CNTNAP2: variants seen among roughly 807,000 people sequenced by gnomAD.
CNTNAP2 encodes the protein contactin-associated protein-like 2.
CNTNAP2 carries 98 observed loss-of-function variants against 155.2 expected under a neutral mutation model. That is an observed-to-expected ratio of 0.63 (90% CI 0.54 to 0.75). The LOEUF is 0.75. Ranked by LOEUF, CNTNAP2 falls within the 30% of genes least tolerant of loss-of-function variation. CNTNAP2 has a pLI of 0.00. For missense variants in CNTNAP2, 1,727 were observed against 1,688.1 expected (o/e 1.02, Z -0.40); for synonymous variants, 651 against 631.2 (o/e 1.03, Z -0.47).
chr7:147,716,047 G>T (rs934409290), intron 13 of CNTNAP2, among the ~76,000 whole-genome samples: 2 of 152,132 alleles, frequency 1.3e-5, no homozygotes, highest in Non-Finnish European at 2.9e-5. Context: ...GATGCAACTT[G>T]TACCAACACT....
chr7:147,495,575 A>G (rs532383200), intron 11 of CNTNAP2, among the ~76,000 whole-genome samples: 7 of 152,310 alleles, frequency 4.6e-5, no homozygotes, highest in East Asian at 3.9e-4. Context: ...TATGTAGTCA[A>G]TTCTCAACAG....
At chr7:147,454,251 T>G (rs920904083) in intron 10 of CNTNAP2, among the ~76,000 whole-genome samples, 2 of 152,208 alleles carry the variant, frequency 1.3e-5, no homozygotes, top group Non-Finnish European at 2.9e-5. Context: ...ATTAATTTTC[T>G]TTGGTGGCTT....
intron 8 of CNTNAP2, among the ~76,000 whole-genome samples, chr7:147,265,802 A>C (rs1273888796): frequency 1.3e-5 from 2 of 152,244 alleles, no homozygotes; most frequent in East Asian, 3.9e-4. Flanking sequence ...TCCCAGAGGA[A>C]GGAGCAGGAA....
At chr7:146,707,078 C>G (rs1309205961) in intron 1 of CNTNAP2, among the ~76,000 whole-genome samples, 1 of 152,156 alleles carries the variant, frequency 6.6e-6, no homozygotes, top group Non-Finnish European at 1.5e-5. Context: ...TATTTACATT[C>G]ACAACATTCA....
intron 20 of CNTNAP2, among the ~76,000 whole-genome samples, chr7:148,236,475 C>A (rs1796043038): frequency 6.6e-6 from 1 of 152,108 alleles, no homozygotes; most frequent in Non-Finnish European, 1.5e-5. Flanking sequence ...TCAATTCTTT[C>A]CTGAACTCAT....
chr7:147,312,244 G>GAATTT (rs1327368660), intron 9 of CNTNAP2, among the ~76,000 whole-genome samples: 9 of 151,756 alleles, frequency 5.9e-5, no homozygotes, highest in African/African-American at 2.2e-4. Context: ...CTCCTCCTGG[G>GAATTT]AATTTTATTT....
At chr7:146,696,948 A>C (rs1800792460) in intron 1 of CNTNAP2, among the ~76,000 whole-genome samples, 2 of 152,164 alleles carry the variant, frequency 1.3e-5, no homozygotes, top group Admixed American at 1.3e-4. Flanking sequence ...ATCCTGGTGA[A>C]TGTGCCAGGT....
At chr7:146,738,213 T>C (rs912199720) in intron 1 of CNTNAP2, among the ~76,000 whole-genome samples, 1 of 152,036 alleles carries the variant, frequency 6.6e-6, no homozygotes, top group African/African-American at 2.4e-5. Context: ...TTCTAACAGG[T>C]ATAAGGTGAT....
intron 15 of CNTNAP2, among the ~76,000 whole-genome samples, chr7:148,085,567 T>A (rs1803709209): frequency 6.6e-6 from 1 of 152,208 alleles, no homozygotes; most frequent in African/African-American, 2.4e-5. Context: ...TTGAAAAGAT[T>A]ATTAGTTAGT....
At chr7:148,155,586 T>A (rs567124493) in intron 17 of CNTNAP2, among the ~76,000 whole-genome samples, 2 of 152,326 alleles carry the variant, frequency 1.3e-5, no homozygotes, top group Non-Finnish European at 2.9e-5. Context: ...AGGGTGCTAT[T>A]TTCCTTGACA....
chr7:146,524,387 T>C (rs78194739), intron 1 of CNTNAP2, among the ~76,000 whole-genome samples: 1 of 152,116 alleles, frequency 6.6e-6, no homozygotes, highest in African/African-American at 2.4e-5. Context: ...CATTTTTTTT[T>C]CTATGTCTGT....
chr7:147,580,761 A>G (rs10229748), intron 12 of CNTNAP2, among the ~76,000 whole-genome samples: 104,614 of 151,614 alleles, frequency 0.69, 36,659 homozygotes, highest in African/African-American at 0.81. Flanking sequence ...GACTACAGGC[A>G]TGTGCCACCG....
At chr7:146,583,452 A>C (rs1049391980) in intron 1 of CNTNAP2, among the ~76,000 whole-genome samples, 3 of 152,134 alleles carry the variant, frequency 2.0e-5, no homozygotes, top group Non-Finnish European at 4.4e-5. Context: ...GAGAATCTGA[A>C]GGGAGAAGGA....
chr7:148,314,882 G>A (rs528035255), intron 21 of CNTNAP2, among the ~76,000 whole-genome samples: 7 of 152,270 alleles, frequency 4.6e-5, no homozygotes, highest in South Asian at 4.2e-4. Context: ...GTCCGTGACC[G>A]GTGCCGGAGT....
In CNTNAP2 at chr7:148,383,634, CTTTTT is replaced by C. The variant is rs778811922; in HGVS notation, c.3476-12_3476-8del. ...GGTGAGTCAAGTAACATTTTCATTT[CTTTTT>C]TTCTTTTAGAAACAGGGAAAATTGA... On this transcript the variant is annotated splice_polypyrimidine_tract_variant and intron_variant, in intron 21 of 23. Coordinates refer to ENST00000361727, the MANE Select transcript of CNTNAP2 (RefSeq NM_014141.6). 1.2e-6 allele frequency: 2 copies of C among 1,614,110 alleles called. No homozygotes were observed. Among genetic ancestry groups the C allele is most frequent in the Non-Finnish European group, 1.7e-6 (2 of 1,180,014 alleles).
intron 1 of CNTNAP2, among the ~76,000 whole-genome samples, chr7:146,214,110 T>C (rs114444920): frequency 0.02 from 3,084 of 152,284 alleles, 91 homozygotes; most frequent in African/African-American, 0.064. Context: ...TATGTTGTTG[T>C]AAAATTTTTG....
In CNTNAP2 at chr7:146,972,277, C is replaced by T. The variant is rs150836597; in HGVS notation, c.403-71630C>T. On this transcript the variant is annotated intron_variant, in intron 3 of 23. Transcript: ENST00000361727. ...TATATTCTAGTAATGATACTATATA[C>T]TATGTACATATACAGGTAGCCTAGT... is the stretch of plus-strand genomic sequence containing the variant. Among the ~76,000 whole-genome samples the T allele has an allele frequency of 5.9e-3, 892 of 152,180 alleles. 9 individuals are homozygous for T. Among genetic ancestry groups the T allele is most frequent in the African/African-American group, 0.02 (810 of 41,512 alleles).
chr7:146,453,091 C>T lies in CNTNAP2; in HGVS notation c.98-321180C>T, dbSNP rs570182769. Among the ~76,000 whole-genome samples, 7 of 152,276 alleles carry T rather than the reference C, an allele frequency of 4.6e-5. No homozygotes were observed. In the East Asian group the frequency reaches 1.4e-3, roughly 29 times the overall value. On this transcript the variant is annotated intron_variant, in intron 1 of 23. Transcript: ENST00000361727. ...TTGAAAGGCCAAGCTGGCCATAGTCCTTAGAGAAGACTGGTGGAGAGGAGA... is the reference window on the plus strand; with the variant it reads ...TTGAAAGGCCAAGCTGGCCATAGTCTTTAGAGAAGACTGGTGGAGAGGAGA...
At chr7:146,836,053 T>C (rs949709654) in intron 2 of CNTNAP2, among the ~76,000 whole-genome samples, 8 of 152,108 alleles carry the variant, frequency 5.3e-5, no homozygotes, top group Non-Finnish European at 1.2e-4. Context: ...TACTGTATCA[T>C]AGAAAAAATA....
Sources: allele counts gnomAD v4.1 joint callset (sites outside exome capture counted in the v4.1 genomes callset), GRCh38; gene constraint gnomAD v4.1.1; transcripts MANE v1.5; gene names NCBI Gene and HGNC (gene_info 2026-07-23, HGNC 2026-07-21).